MYRF: variants seen among roughly 807,000 people sequenced by gnomAD.
MYRF encodes myelin gene regulatory factor.
Under a neutral mutation model 126.3 loss-of-function variants are expected in MYRF, and 16 were observed. That is an observed-to-expected ratio of 0.13 (90% CI 0.09 to 0.19). The LOEUF (loss-of-function observed/expected upper bound fraction) is 0.19, where lower values mean the gene tolerates loss of function less well. MYRF is among the 10% of genes least tolerant of loss of function. The probability of loss-of-function intolerance (pLI) is 1.00; values close to 1 mark genes in which losing one functional copy is unlikely to be tolerated. For missense variants in MYRF, 1,104 were observed against 1,547.0 expected, an observed-to-expected ratio of 0.71 and a Z score of 4.80; for synonymous variants, 608 against 635.3, an observed-to-expected ratio of 0.96 and a Z score of 0.65.
In MYRF at chr11:61,778,624, G is replaced by C; in HGVS notation, c.2013+135G>C. On this transcript the variant is annotated intron_variant, in intron 14 of 26. Transcript: ENST00000278836. This position sits in a 1 kb window ranked among gnomAD's most constrained non-coding sequence, Gnocchi z 4.6. Reference sequence around the variant, plus strand: ...ACCCTCGGCTCTCATGCTGCCTCCAGAGCGCCCTCTGCACCCCACAGGGAA... The same window carrying C: ...ACCCTCGGCTCTCATGCTGCCTCCACAGCGCCCTCTGCACCCCACAGGGAA... 3 of 705,168 alleles carry C rather than the reference G, an allele frequency of 4.3e-6. No homozygotes were observed. In the Admixed American group the frequency reaches 6.1e-5, roughly 14 times the overall value. The allele number at this position is 705,168 out of a possible 1,614,324, so 43.7% of individuals were successfully genotyped here. A position where few individuals can be genotyped will look rare whatever the true frequency, so the allele number is the denominator to read the frequency against.
At position 61,780,985 on chromosome 11, in the gene MYRF, C is replaced by A. The variant is rs761144792; in HGVS notation, c.2512C>A (p.Gln838Lys). Residue 838 changes from glutamine (Q) to lysine (K), a missense_variant, in exon 20 of 27, where the codon CAG becomes AAG. Physicochemically the swap from Gln to Lys is moderately conservative, Grantham distance 53. Transcript: ENST00000278836. ...GTCCAGCCAGAGCTTTGGGACCACG[C>A]AGCTCCGACAGTCCCCCTTGACCAC... Reference protein sequence around the residue: ...PWSSQSFGTTQLRQSPLTTGL... With the variant: ...PWSSQSFGTTKLRQSPLTTGL... The A allele has an allele frequency of 6.2e-7, 1 of 1,610,106 alleles. No homozygotes were observed. The highest frequency in any genetic ancestry group is 1.1e-5 in the South Asian group (1 of 91,074).
In MYRF at chr11:61,777,007, T is replaced by G. The variant is rs1020745404; in HGVS notation, c.1590+130T>G. The G allele has an allele frequency of 3.3e-6, 3 of 903,472 alleles. No individual in the cohort carries two copies. Among genetic ancestry groups the G allele is most frequent in the Admixed American group, 2.6e-5 (1 of 37,902 alleles). 56.0% of individuals were successfully genotyped at this position (903,472 alleles called of 1,614,324 possible). A position where few individuals can be genotyped will look rare whatever the true frequency, so the allele number is the denominator to read the frequency against. The stretch of plus-strand genomic sequence containing the variant: ...CCTGCTAGGCACTGGCTGTGTGGCC[T>G]TGGGCAAAGCTCCCACCCTCTCTGG... On this transcript the variant is annotated intron_variant, in intron 11 of 26. Coordinates refer to ENST00000278836, the MANE Select transcript of MYRF (RefSeq NM_001127392.3). This position sits in a 1 kb window ranked among gnomAD's most constrained non-coding sequence, Gnocchi z 8.8.
At chr11:61,772,631 G>A (rs910882557) in intron 7 of MYRF, among the ~76,000 whole-genome samples, 1 of 152,240 alleles carries the variant, frequency 6.6e-6, no homozygotes, top group Non-Finnish European at 1.5e-5. Context: ...TGCCAGGTGG[G>A]GGTGCAGTCG....
rs1336762185 is a variant in MYRF, at chr11:61,781,119, C to G, written c.2573-19C>G. 1.2e-6 allele frequency: 2 copies of G among 1,612,398 alleles called. No homozygotes were observed. Among genetic ancestry groups the G allele is most frequent in the Admixed American group, 3.3e-5 (2 of 59,990 alleles). Reference sequence around the variant, plus strand: ...GTCTTTGGGGCTTCTCTGGCTCATACAGCCTCTGGCCTCCTCAGTGACCAC... The same window carrying G: ...GTCTTTGGGGCTTCTCTGGCTCATAGAGCCTCTGGCCTCCTCAGTGACCAC... On this transcript the variant is annotated intron_variant, in intron 20 of 26. Transcript: ENST00000278836.
intron 1 of MYRF, chr11:61,755,514 A>G: frequency 6.4e-7 from 1 of 1,561,918 alleles, no homozygotes; most frequent in Non-Finnish European, 8.8e-7. Context: ...GCAGTGTCTG[A>G]GAATCCTGCC....
rs1012649892 is a variant in MYRF, at chr11:61,779,701, G to A, written c.2247+131G>A. On this transcript the variant is annotated intron_variant, in intron 16 of 26. Coordinates refer to ENST00000278836, the MANE Select transcript of MYRF (RefSeq NM_001127392.3). The stretch of plus-strand genomic sequence containing the variant: ...TCCTTGTGACTCTGTAGCCCTCCCA[G>A]CCCCGTTTCTCTTTCTTCTCCCTTT... 7 of 1,207,872 alleles carry A rather than the reference G, an allele frequency of 5.8e-6. No individual in the cohort carries two copies. In the Admixed American group the frequency reaches 7.5e-5, roughly 13 times the overall value. 74.8% of individuals were successfully genotyped at this position (1,207,872 alleles called of 1,614,324 possible).
rs2066720993 is a variant in MYRF at position 61,787,476 on chromosome 11, A to G, written c.*1333A>G. 1.3e-5 allele frequency: 2 copies of G among 152,632 alleles called. No homozygotes were observed. The highest frequency in any genetic ancestry group is 1.3e-4 in the Admixed American group (2 of 15,272). The allele number at this position is 152,632 out of a possible 1,614,324, so 9.5% of individuals were successfully genotyped here. A position where few individuals can be genotyped will look rare whatever the true frequency, so the allele number is the denominator to read the frequency against. On this transcript the variant is annotated 3_prime_UTR_variant, in exon 27 of 27. Coordinates refer to ENST00000278836, the MANE Select transcript of MYRF (RefSeq NM_001127392.3). ...TGTCCTTGCCCTGTGGTATGCTGCC[A>G]CCTCTTTGGGAAGCAGGCCTTGCCC...
At position 61,778,481 on chromosome 11, in the gene MYRF, G is replaced by A; in HGVS notation, c.2005G>A (p.Val669Met). ...GAAAACCATAGAGAACTTCCTGGTGGTGAACAAGGTCTGTGGGTGGGGGAA... is the reference window on the plus strand; with the variant it reads ...GAAAACCATAGAGAACTTCCTGGTGATGAACAAGGTCTGTGGGTGGGGGAA... ...NGKTIENFLV[V>M]NKERIFMENV... The change falls in exon 14 of 27, where the codon GTG (valine) becomes ATG (methionine). Residue 669 changes from valine (V) to methionine (M), a missense_variant. Around this residue, in one of 10 missense-constraint regions of MYRF, gnomAD observed 123 missense variants for 209.1 expected, o/e 0.59. Transcript: ENST00000278836. The surrounding 1 kb of genome is among the most constrained non-coding windows in gnomAD (Gnocchi z 4.6). 1 of 1,612,852 alleles carries A rather than the reference G, an allele frequency of 6.2e-7. No homozygotes were observed. Among genetic ancestry groups the A allele is most frequent in the Non-Finnish European group, 8.5e-7 (1 of 1,178,892 alleles).
At chr11:61,784,603 G>A (rs1245087347) in intron 25 of MYRF, 15 of 554,066 alleles carry the variant, frequency 2.7e-5, no homozygotes, top group Non-Finnish European at 4.5e-5. Flanking sequence ...CAGCCCTGCC[G>A]TGCTGGAGAC....
chr11:61,767,381 A>G, intron 3 of MYRF: 1 of 456,632 alleles, frequency 2.2e-6, no homozygotes, highest in South Asian at 1.5e-5. Context: ...AGACCCCACA[A>G]GGAGCCCTGG....
chr11:61,769,154 G>A (rs1418233880), intron 3 of MYRF, 106 bp from the exon 4 acceptor site: 6 of 665,508 alleles, frequency 9.0e-6, no homozygotes, highest in Middle Eastern at 2.5e-4. Context: ...CCTCAGTGTC[G>A]CCAGCTTCTG....
chr11:61,761,919 G>T (rs1336850818), intron 1 of MYRF, among the ~76,000 whole-genome samples: 1 of 152,286 alleles, frequency 6.6e-6, no homozygotes, highest in Non-Finnish European at 1.5e-5. Flanking sequence ...TGAGCTGTGG[G>T]TGGTGGGCGG....
chr11:61,781,041 G>A lies in MYRF; in HGVS notation c.2568G>A (p.Leu856=), dbSNP rs779126451. Reference sequence around the variant, plus strand: ...TACCAGGCATACAGCCCTCTTTGCTGCTGGGTGCGTGTCTGGGCAGGTCTG... The same window carrying A: ...TACCAGGCATACAGCCCTCTTTGCTACTGGGTGCGTGTCTGGGCAGGTCTG... ...TGLPGIQPSL[L]LVTTSLTSSA... The change falls in exon 20 of 27, where the codon CTG becomes CTA. Residue 856 remains leucine (L), a synonymous_variant. Coordinates refer to ENST00000278836, the MANE Select transcript of MYRF (RefSeq NM_001127392.3). 7 of 1,609,842 alleles carry A rather than the reference G, an allele frequency of 4.3e-6. No homozygotes were observed. Among genetic ancestry groups the A allele is most frequent in the South Asian group, 2.2e-5 (2 of 91,088 alleles).
At chr11:61,759,364 G>A (rs1290355090) in intron 1 of MYRF, among the ~76,000 whole-genome samples, 1 of 152,200 alleles carries the variant, frequency 6.6e-6, no homozygotes, top group African/African-American at 2.4e-5. Context: ...AAAGATTCTG[G>A]GTCTCCTAGA....
chr11:61,779,784 C>G (rs1026240827), intron 16 of MYRF, 58 bp from the exon 17 acceptor site: 1 of 1,527,288 alleles, frequency 6.5e-7, no homozygotes, highest in Non-Finnish European at 9.0e-7. Context: ...GCAGAGCCCA[C>G]TGGGGACAGC....
rs1349222448 is a variant in MYRF, at chr11:61,781,248, A to G, written c.2683A>G (p.Thr895Ala). The part of the protein sequence containing the change: ...ICCSSPTTNP[T>A]TGPSLGPSFN... ...CTGTTCCTCACCCACTACCAACCCT[A>G]CCACTGGTCCTAGTCTTGGCCCCAG... Residue 895 changes from threonine to alanine, a missense_variant, in exon 21 of 27, where the codon ACC becomes GCC. By Grantham distance (58) the Thr-to-Ala change is moderately conservative (BLOSUM62 0). Coordinates refer to ENST00000278836, the MANE Select transcript of MYRF (RefSeq NM_001127392.3). 1.3e-5 allele frequency: 21 copies of G among 1,613,684 alleles called. 1 individual carries two copies. The South Asian group carries it at 2.3e-4, about 18-fold the overall frequency.
intron 5 of MYRF, 78 bp downstream of exon 5, chr11:61,770,603 C>G: frequency 7.1e-7 from 1 of 1,411,288 alleles, no homozygotes; most frequent in African/African-American, 1.4e-5. Context: ...GCGGGCAGGC[C>G]AGAGAGGGAG....
chr11:61,766,504 G>A (rs1565286624), intron 3 of MYRF: 4 of 431,690 alleles, frequency 9.3e-6, no homozygotes, highest in Non-Finnish European at 1.6e-5. Flanking sequence ...AGAGTGGACA[G>A]GAAGCGGCGG....
At chr11:61,784,579 T>C (rs1790130637) in intron 25 of MYRF, 194 bp downstream of exon 25, 2 of 581,844 alleles carry the variant, frequency 3.4e-6, no homozygotes, top group Admixed American at 3.0e-5. Context: ...CATTGCACTC[T>C]GCTGAGCATC....
Sources: gnomAD v4.1 joint callset for allele counts (sites outside exome capture counted in the v4.1 genomes callset) on GRCh38, gnomAD v4.1.1 for gene constraint, gnomAD v4.1.1 regional missense constraint, Gnocchi (gnomAD v3.1) non-coding constraint, MANE v1.5 for transcripts, NCBI Gene and HGNC (gene_info 2026-07-23, HGNC 2026-07-21) for gene names.